WDR70: variants seen among roughly 807,000 people sequenced by gnomAD.
WDR70 encodes the protein WD repeat-containing protein 70.
In WDR70, 53 loss-of-function variants were observed where a neutral mutation model predicts 88.6. The observed-to-expected ratio is 0.60, with a 90% CI of 0.48 to 0.75. The LOEUF is 0.75. Among genes scored for constraint, WDR70 ranks in the 30% least tolerant of loss-of-function variants. The probability of loss-of-function intolerance (pLI) is 0.00; values close to 1 mark genes in which losing one functional copy is unlikely to be tolerated. For synonymous variants in WDR70, 280 were observed against 270.0 expected (o/e 1.04, Z -0.36); for missense variants, 610 against 823.2 (o/e 0.74, Z 3.17).
chr5:37,473,027 C>T (rs1406148192), intron 7 of WDR70, among the ~76,000 whole-genome samples: 1 of 151,968 alleles, frequency 6.6e-6, no homozygotes, highest in East Asian at 1.9e-4. Flanking sequence ...AATTGCTCCA[C>T]ATTCTTGACC....
rs1288331074 is a variant in WDR70 at position 37,485,675 on chromosome 5, T to C, written c.840+5688T>C. Among the ~76,000 whole-genome samples the C allele has an allele frequency of 5.6e-4, 85 of 151,916 alleles. 1 individual carries two copies. The highest frequency in any genetic ancestry group is 1.5e-5 in the Non-Finnish European group (1 of 67,976). On this transcript the variant is annotated intron_variant, in intron 8 of 17. Transcript: ENST00000265107. ...GAATGAACAATATATATTATTTATT[T>C]ATTCATTCATTTAATTATTATTATT...
chr5:37,380,770 C>G (rs561658652), intron 2 of WDR70, among the ~76,000 whole-genome samples: 1 of 152,250 alleles, frequency 6.6e-6, no homozygotes, highest in South Asian at 2.1e-4. Flanking sequence ...ACCTTAGTCT[C>G]CTGAGTAGCT....
intron 5 of WDR70, among the ~76,000 whole-genome samples, chr5:37,405,424 A>G (rs1749323776): frequency 6.6e-6 from 1 of 151,128 alleles, no homozygotes; most frequent in Non-Finnish European, 1.5e-5. Flanking sequence ...ATTTTGGCTC[A>G]CTGCAACCTC....
intron 8 of WDR70, among the ~76,000 whole-genome samples, chr5:37,501,847 T>A (rs1280264452): frequency 6.6e-6 from 1 of 152,176 alleles, no homozygotes; most frequent in South Asian, 2.1e-4. Context: ...TGCTGTAGCC[T>A]TGTCAATATA....
intron 4 of WDR70, among the ~76,000 whole-genome samples, chr5:37,393,962 G>A (rs761956381): frequency 2.6e-5 from 4 of 152,086 alleles, no homozygotes; most frequent in Admixed American, 1.3e-4. Context: ...GATTACAGGC[G>A]TGAACCACTG....
chr5:37,701,242 G>T, intron 12 of WDR70, 100 bp downstream of exon 12: 1 of 746,826 alleles, frequency 1.3e-6, no homozygotes, highest in East Asian at 2.8e-5. Context: ...TAGATCTTCT[G>T]GAAAAGAGAC....
chr5:37,724,357 G>T (rs987779737), intron 15 of WDR70: 4 of 152,062 alleles, frequency 2.6e-5, no homozygotes, highest in African/African-American at 9.7e-5. Context: ...GAGGGATAAG[G>T]CCCCATTAAG....
chr5:37,466,432 C>T (rs1422142391), intron 7 of WDR70, among the ~76,000 whole-genome samples: 1 of 152,188 alleles, frequency 6.6e-6, no homozygotes, highest in Admixed American at 6.5e-5. Flanking sequence ...ATTGGCTGGG[C>T]GTGGTGGCTC....
chr5:37,432,521 T>C (rs1012539335), intron 5 of WDR70, among the ~76,000 whole-genome samples: 3 of 151,902 alleles, frequency 2.0e-5, no homozygotes, highest in African/African-American at 7.3e-5. Context: ...CCTGAGTAGC[T>C]GGGACTACAG....
intron 9 of WDR70, among the ~76,000 whole-genome samples, chr5:37,538,257 T>C (rs1355390091): frequency 1.3e-5 from 2 of 152,204 alleles, no homozygotes; most frequent in Non-Finnish European, 2.9e-5. Context: ...TTTGGGCAAC[T>C]GGAAGCTACA....
chr5:37,497,406 C>T (rs1157054643), intron 8 of WDR70, among the ~76,000 whole-genome samples: 1 of 67,546 alleles, frequency 1.5e-5, no homozygotes, highest in Non-Finnish European at 3.7e-5. Context: ...CTTTCCTTCC[C>T]CTCCCCTCCC....
rs1394723525 is a variant in WDR70 at position 37,702,966 on chromosome 5, G to C, written c.1295G>C (p.Ser432Thr). The change falls in exon 13 of 18, where the codon AGT (serine) becomes ACT (threonine). Residue 432 changes from serine to threonine, a missense_variant. Ser to Thr is a moderately conservative substitution (Grantham distance 58). Around this residue, in one of 4 missense-constraint regions of WDR70, gnomAD observed 254 missense variants for 300.7 expected, o/e 0.84. Transcript: ENST00000265107. ...TMFPMTDCCF[S>T]PDDKLIVTGT... ...TTCTGTAGGACTGACTGCTGTTTCA[G>C]TCCAGATGATAAGCTCATAGTCACT... 6.2e-7 allele frequency: 1 copy of C among 1,611,366 alleles called. No individual in the cohort carries two copies.
At chr5:37,499,252 T>G (rs1225506130) in intron 8 of WDR70, among the ~76,000 whole-genome samples, 1 of 152,030 alleles carries the variant, frequency 6.6e-6, no homozygotes, top group African/African-American at 2.4e-5. Flanking sequence ...TAGCTGGGAT[T>G]ACAGGTGTCC....
chr5:37,422,532 C>T (rs1419112264), intron 5 of WDR70, among the ~76,000 whole-genome samples: 1 of 151,998 alleles, frequency 6.6e-6, no homozygotes, highest in Non-Finnish European at 1.5e-5. Context: ...GGCTGGAGTG[C>T]ACTGGCGCGA....
chr5:37,463,819 A>G (rs1739083819), intron 7 of WDR70, among the ~76,000 whole-genome samples: 1 of 152,074 alleles, frequency 6.6e-6, no homozygotes. Flanking sequence ...TGTCCTTTTA[A>G]CTCTGTGGCT....
intron 10 of WDR70, among the ~76,000 whole-genome samples, chr5:37,696,598 A>G (rs1746989439): frequency 6.6e-6 from 1 of 152,180 alleles, no homozygotes; most frequent in Non-Finnish European, 1.5e-5. Flanking sequence ...TACCCTAGGA[A>G]AGTTGGTAAT....
Position 37,753,232 on chromosome 5 carries a change from G to A in WDR70, c.*659G>A, listed in dbSNP as rs78641899. The A allele has an allele frequency of 9.2e-5, 14 of 152,228 alleles. No individual in the cohort carries two copies. The highest frequency in any genetic ancestry group is 5.8e-4 in the East Asian group (3 of 5,176). The allele number at this position is 152,228 out of a possible 1,614,324, so 9.4% of individuals were successfully genotyped here. A position where few individuals can be genotyped will look rare whatever the true frequency, so the allele number is the denominator to read the frequency against. ...GAAATAGTACGTACTTTGCAGGTTCGTCAGAAGAATTAAATGGGACATGCC... is the reference window on the plus strand; with the variant it reads ...GAAATAGTACGTACTTTGCAGGTTCATCAGAAGAATTAAATGGGACATGCC... On this transcript the variant is annotated 3_prime_UTR_variant, in exon 18 of 18. Transcript: ENST00000265107.
intron 5 of WDR70, among the ~76,000 whole-genome samples, chr5:37,397,142 GCC>G (rs35440886): frequency 1.3e-4 from 16 of 120,494 alleles, no homozygotes; most frequent in Admixed American, 8.7e-4. Context: ...GTCTCAAACC[GCC>G]CCCCCCAACC....
intron 17 of WDR70, among the ~76,000 whole-genome samples, chr5:37,734,738 A>G (rs1459459892): frequency 6.6e-6 from 1 of 152,042 alleles, no homozygotes; most frequent in Non-Finnish European, 1.5e-5. Context: ...GAGCCATGCA[A>G]ATACCTAGGG....
Sources: allele counts gnomAD v4.1 joint callset (sites outside exome capture counted in the v4.1 genomes callset), GRCh38; gene constraint gnomAD v4.1.1; regional missense constraint gnomAD v4.1.1; transcripts MANE v1.5; gene names NCBI Gene and HGNC (gene_info 2026-07-23, HGNC 2026-07-21).